TDRD5: variants seen among roughly 807,000 people sequenced by gnomAD.
TDRD5 encodes tudor domain containing 5.
In TDRD5, 41 loss-of-function variants were observed where a neutral mutation model predicts 120.6. The ratio of observed to expected loss-of-function variants is 0.34; its 90% CI spans 0.26 to 0.44. The LOEUF (loss-of-function observed/expected upper bound fraction) is 0.44, where lower values mean the gene tolerates loss of function less well. TDRD5 is among the 20% of genes least tolerant of loss of function. The pLI is 1.00. For synonymous variants in TDRD5, 430 were observed against 433.7 expected (o/e 0.99, Z 0.11); for missense variants, 1,006 against 1,221.2 (o/e 0.82, Z 2.63).
intron 4 of TDRD5, among the ~76,000 whole-genome samples, chr1:179,605,574 A>G (rs1390413123): frequency 2.0e-5 from 3 of 152,148 alleles, no homozygotes; most frequent in Non-Finnish European, 2.9e-5. Context: ...GTAGTGTCAT[A>G]CTGAATAGTT....
intron 17 of TDRD5, among the ~76,000 whole-genome samples, chr1:179,685,734 G>A (rs139112118): frequency 6.6e-6 from 1 of 152,052 alleles, no homozygotes; most frequent in African/African-American, 2.4e-5. Context: ...GTGGTTTGTA[G>A]TTCTCCTTGA....
At position 179,639,974 on chromosome 1, in the gene TDRD5, G is replaced by A. The variant is rs535331906; in HGVS notation, c.1656G>A (p.Glu552=). 444 of 1,614,124 alleles carry A rather than the reference G, an allele frequency of 2.8e-4. 7 individuals carry two copies. The South Asian group carries it at 4.6e-3, about 17-fold the overall frequency. Residue 552 remains glutamate, a synonymous_variant, in exon 10 of 18, where the codon GAG becomes GAA. Transcript: ENST00000444136. Reference sequence around the variant, plus strand: ...GGGTCATTATCCATCGAGTCCTTGAGAAACAGGAAGTTGAAGTGTTCTACC... The same window carrying A: ...GGGTCATTATCCATCGAGTCCTTGAAAAACAGGAAGTTGAAGTGTTCTACC... ...WYRVIIHRVL[E]KQEVEVFYPD... is the part of the protein sequence containing the mutation.
chr1:179,599,546 T>A (rs1313464995), intron 4 of TDRD5, among the ~76,000 whole-genome samples: 1 of 152,106 alleles, frequency 6.6e-6, no homozygotes, highest in Admixed American at 6.5e-5. Flanking sequence ...TTTTTTTTTT[T>A]TTAAATGAGC....
intron 11 of TDRD5, among the ~76,000 whole-genome samples, chr1:179,646,687 T>C (rs1678384989): frequency 6.6e-6 from 1 of 152,162 alleles, no homozygotes; most frequent in Non-Finnish European, 1.5e-5. Context: ...GATGACATGA[T>C]AGTATATCTA....
At chr1:179,681,052 G>A (rs1017870203) in intron 17 of TDRD5, among the ~76,000 whole-genome samples, 4 of 148,022 alleles carry the variant, frequency 2.7e-5, no homozygotes, top group Non-Finnish European at 4.5e-5. Context: ...ACCGCACCAC[G>A]TGTTTACAAA....
At chr1:179,642,639 T>G (rs1282751192) in intron 11 of TDRD5, among the ~76,000 whole-genome samples, 9 of 152,240 alleles carry the variant, frequency 5.9e-5, no homozygotes, top group African/African-American at 1.4e-4. Flanking sequence ...TTGTCTTGTT[T>G]GTTTGTGCAT....
chr1:179,639,586 G>T (rs1299908790), intron 9 of TDRD5, among the ~76,000 whole-genome samples: 1 of 152,084 alleles, frequency 6.6e-6, no homozygotes, highest in Non-Finnish European at 1.5e-5. Flanking sequence ...TGAAGATGGG[G>T]TACATTCTAT....
intron 4 of TDRD5, among the ~76,000 whole-genome samples, chr1:179,602,395 A>G (rs184878277): frequency 2.6e-5 from 4 of 152,010 alleles, no homozygotes; most frequent in Admixed American, 2.0e-4. Flanking sequence ...CCACTTCTTG[A>G]TGGGATTGCT....
chr1:179,678,256 CG>C (rs921159349), intron 17 of TDRD5, among the ~76,000 whole-genome samples: 1 of 152,198 alleles, frequency 6.6e-6, no homozygotes, highest in African/African-American at 2.4e-5. Flanking sequence ...TCACTCCCAC[CG>C]TGGCTCCCTC....
intron 17 of TDRD5, among the ~76,000 whole-genome samples, chr1:179,682,841 C>G (rs10913863): frequency 0.34 from 51,150 of 151,892 alleles, 8,849 homozygotes; most frequent in Admixed American, 0.42. Context: ...GGATGTCTTT[C>G]CATTATGGCT....
At chr1:179,675,891 A>G (rs574206439) in intron 17 of TDRD5, among the ~76,000 whole-genome samples, 3 of 152,276 alleles carry the variant, frequency 2.0e-5, no homozygotes, top group African/African-American at 4.8e-5. Flanking sequence ...GTTGTAGGGT[A>G]TAGTTTAAGT....
Position 179,675,270 on chromosome 1 carries a change from A to ATTTTTTTTTT in TDRD5, c.2860+5868_2860+5869insTTTTTTTTTT, listed in dbSNP as rs879312785. ...TCAAAGAATTTTTATTATTATTATTATTATTTTTTTTTTTTTTTTTTTTTT... is the reference window on the plus strand; with the variant it reads ...TCAAAGAATTTTTATTATTATTATTATTTTTTTTTTTTATTTTTTTTTTTTTTTTTTTTTT... On this transcript the variant is annotated intron_variant, in intron 17 of 17. Coordinates refer to ENST00000444136, the MANE Select transcript of TDRD5 (RefSeq NM_001199085.3). 1.2e-3 allele frequency among the ~76,000 whole-genome samples: 71 copies of ATTTTTTTTTT among 59,230 alleles called. 3 individuals are homozygous for ATTTTTTTTTT. The highest frequency in any genetic ancestry group is 2.1e-3 in the African/African-American group (38 of 17,926). 38.9% of individuals were successfully genotyped at this position (59,230 alleles called of 152,430 possible). A position where few individuals can be genotyped will look rare whatever the true frequency, so the allele number is the denominator to read the frequency against.
intron 11 of TDRD5, among the ~76,000 whole-genome samples, chr1:179,645,756 A>G (rs1403826902): frequency 6.6e-6 from 1 of 152,126 alleles, no homozygotes; most frequent in Non-Finnish European, 1.5e-5. Flanking sequence ...TTGAGGCTAT[A>G]TTATTAGGTA....
rs76945761 is a variant in TDRD5, at chr1:179,683,907, T to C, written c.2861-6789T>C. Among the ~76,000 whole-genome samples the C allele has an allele frequency of 1.2e-3, 180 of 152,300 alleles. 7 individuals carry two copies. In the East Asian group the frequency reaches 0.026, roughly 22 times the overall value. On this transcript the variant is annotated intron_variant, in intron 17 of 17. Transcript: ENST00000444136. Reference sequence around the variant, plus strand: ...CATTGTAGGCAGGTAATAAGCGGTTTATAGACCAGCTACGAGTACACATCT... The same window carrying C: ...CATTGTAGGCAGGTAATAAGCGGTTCATAGACCAGCTACGAGTACACATCT...
chr1:179,652,178 A>C lies in TDRD5; in HGVS notation c.2141A>C (p.Glu714Ala). Residue 714 changes from glutamate to alanine, a missense_variant, in exon 13 of 18, where the codon GAG (glutamate) becomes GCG (alanine). Glu to Ala is a moderately radical substitution (Grantham distance 107, BLOSUM62 -1). This residue lies in a region of TDRD5 where 403 missense variants were observed against 448.1 expected (regional missense o/e 0.90). Transcript: ENST00000444136. ...CGAAAGATAAGTCCACAGTCAAAAG[A>C]GAGTGAGTTACGTATCTTGGTAAGA... ...EDRKISPQSKESELRILQDIN... is the reference protein window; with the variant it reads ...EDRKISPQSKASELRILQDIN... 6.2e-7 allele frequency: 1 copy of C among 1,610,210 alleles called. No homozygotes were observed. The highest frequency in any genetic ancestry group is 8.5e-7 in the Non-Finnish European group (1 of 1,179,130).
At chr1:179,635,088 A>G (rs1024079921) in intron 8 of TDRD5, among the ~76,000 whole-genome samples, 4 of 152,070 alleles carry the variant, frequency 2.6e-5, no homozygotes, top group Non-Finnish European at 5.9e-5. Context: ...GTTATTAAGG[A>G]ATCATTGCTT....
intron 4 of TDRD5, among the ~76,000 whole-genome samples, chr1:179,605,978 T>A (rs1189692096): frequency 6.6e-6 from 1 of 152,070 alleles, no homozygotes; most frequent in Admixed American, 6.6e-5. Flanking sequence ...TGCTAAATTG[T>A]CAGATAAAGA....
At chr1:179,607,723 G>C (rs1458149807) in intron 4 of TDRD5, among the ~76,000 whole-genome samples, 1 of 151,486 alleles carries the variant, frequency 6.6e-6, no homozygotes, top group Admixed American at 6.6e-5. Context: ...ATACATTTTA[G>C]TTCTCATTTT....
chr1:179,612,177 TG>T (rs1470667226), intron 4 of TDRD5, among the ~76,000 whole-genome samples: 5 of 152,212 alleles, frequency 3.3e-5, no homozygotes, highest in Non-Finnish European at 7.3e-5. Flanking sequence ...GCATCATTTT[TG>T]TCACAAGAAA....
Sources: gnomAD v4.1 joint callset for allele counts (sites outside exome capture counted in the v4.1 genomes callset) on GRCh38, gnomAD v4.1.1 for gene constraint, gnomAD v4.1.1 regional missense constraint, MANE v1.5 for transcripts, NCBI Gene and HGNC (gene_info 2026-07-23, HGNC 2026-07-21) for gene names.